Variants in ADCK5 observed in about 807,000 individuals in gnomAD.
ADCK5 encodes uncharacterized aarF domain-containing protein kinase 5.
ADCK5 carries 43 observed loss-of-function variants against 64.9 expected under a neutral mutation model. That is an observed-to-expected ratio of 0.66 (90% CI 0.52 to 0.85). The LOEUF is 0.85. Ranked by LOEUF, ADCK5 falls within the 40% of genes least tolerant of loss-of-function variation. The pLI is 0.00. For missense variants in ADCK5, 760 were observed against 810.5 expected, an observed-to-expected ratio of 0.94 and a Z score of 0.76; for synonymous variants, 434 against 342.8, an observed-to-expected ratio of 1.27 and a Z score of -2.94.
At chr8:144,380,181 C>T (rs35847380) in intron 2 of ADCK5, among the ~76,000 whole-genome samples, 20,295 of 146,588 alleles carry the variant, frequency 0.14, 2,148 homozygotes, top group African/African-American at 0.32. Context: ...GATTATGGGC[C>T]GGGTGTAGAA....
At chr8:144,381,501 C>T (rs587603203) in intron 2 of ADCK5, among the ~76,000 whole-genome samples, 1 of 139,836 alleles carries the variant, frequency 7.2e-6, no homozygotes, top group East Asian at 2.2e-4. Flanking sequence ...GATGTGTGCT[C>T]AGGCCCCTGC....
Position 144,392,330 on chromosome 8 carries a change from G to A in ADCK5, c.1252G>A (p.Ala418Thr), listed in dbSNP as rs1554861144. 18 of 1,497,148 alleles carry A rather than the reference G, an allele frequency of 1.2e-5. No homozygotes were observed. The South Asian group carries it at 2.1e-4, about 17-fold the overall frequency. The allele number at this position is 1,497,148 out of a possible 1,614,324, so 92.7% of individuals were successfully genotyped here. ...CGCCGCCATGAGGGCGCACGCAGCCGCACTGGGGGTGCAAGGTGAGGGCGT... is the reference window on the plus strand; with the variant it reads ...CGCCGCCATGAGGGCGCACGCAGCCACACTGGGGGTGCAAGGTGAGGGCGT... ...DDAAMRAHAA[A>T]LGVQDYLLFA... The change falls in exon 12 of 15, where the codon GCA (alanine) becomes ACA (threonine). Residue 418 changes from alanine to threonine, a missense_variant. Transcript: ENST00000308860.
In ADCK5 at chr8:144,382,506, CTGCTGTATTCAGCAAGTATTGGGCTCT is replaced by C. The variant is rs1428093725; in HGVS notation, c.117-549_117-523del. 8.2e-3 allele frequency among the ~76,000 whole-genome samples: 1,254 copies of C among 152,316 alleles called. 22 individuals carry two copies. Among genetic ancestry groups the C allele is most frequent in the African/African-American group, 0.028 (1,164 of 41,560 alleles). Reference sequence around the variant, plus strand: ...GCTGTATTCAGGGAGTATTGGGCTCCTGCTGTATTCAGCAAGTATTGGGCTCTTGCTGTATTCAGCAAGTATTGGGCT... The same window carrying C: ...GCTGTATTCAGGGAGTATTGGGCTCCTGCTGTATTCAGCAAGTATTGGGCT... On this transcript the variant is annotated intron_variant, in intron 2 of 14. Coordinates refer to ENST00000308860, the MANE Select transcript of ADCK5 (RefSeq NM_174922.5).
At position 144,392,989 on chromosome 8, in the gene ADCK5, G is replaced by C. The variant is rs1554861673; in HGVS notation, c.1658G>C (p.Arg553Pro). 1 of 1,588,538 alleles carries C rather than the reference G, an allele frequency of 6.3e-7. No homozygotes were observed. Among genetic ancestry groups the C allele is most frequent in the Non-Finnish European group, 8.5e-7 (1 of 1,170,642 alleles). Residue 553 changes from arginine to proline, a missense_variant, in exon 15 of 15, where the codon CGG becomes CCG. Arg to Pro is a moderately radical substitution (Grantham distance 103). This residue lies in a region of ADCK5 where 333 missense variants were observed against 292.0 expected (regional missense o/e 1.14). Coordinates refer to ENST00000308860, the MANE Select transcript of ADCK5 (RefSeq NM_174922.5). Reference protein sequence around the residue: ...VALRLETLAMRLTALLARALV... With the variant: ...VALRLETLAMPLTALLARALV... ...CGCAGGCTGGAGACCTTGGCCATGC[G>C]GCTGACCGCCCTCCTGGCTCGTGCT...
rs781835742 is a variant in ADCK5, at chr8:144,392,573, G to A, written c.1396G>A (p.Val466Ile). 33 of 1,574,608 alleles carry A rather than the reference G, an allele frequency of 2.1e-5. No homozygotes were observed. Among genetic ancestry groups the A allele is most frequent in the Admixed American group, 3.6e-5 (2 of 56,090 alleles). ...VDMARERFEA[V>I]MAVLRELPRP... ...CATGGCCCGCGAGCGCTTCGAGGCC[G>A]TCATGGCGGTGCTCAGGGAGCTGCC... Residue 466 changes from valine (V) to isoleucine (I), a missense_variant, in exon 13 of 15, where the codon GTC becomes ATC. Around this residue, in one of 2 missense-constraint regions of ADCK5, gnomAD observed 333 missense variants for 292.0 expected, o/e 1.14. Transcript: ENST00000308860.
At chr8:144,385,101 G>C (rs1819851559) in intron 3 of ADCK5, among the ~76,000 whole-genome samples, 1 of 152,086 alleles carries the variant, frequency 6.6e-6, no homozygotes, top group Admixed American at 6.6e-5. Context: ...AAATGATCAG[G>C]GGCTGCCCAG....
intron 3 of ADCK5, among the ~76,000 whole-genome samples, chr8:144,388,651 G>A (rs1820049807): frequency 6.6e-6 from 1 of 151,892 alleles, no homozygotes; most frequent in East Asian, 1.9e-4. Flanking sequence ...TGTAGTCCCA[G>A]CTACTCTGGA....
At chr8:144,379,346 C>G in intron 1 of ADCK5, 41 bp from the exon 2 acceptor site, 1 of 1,497,448 alleles carries the variant, frequency 6.7e-7, no homozygotes. Context: ...AGGGGCGTGT[C>G]CTGGCCTCGT....
In ADCK5 at chr8:144,391,847, A is replaced by G. The variant is rs564840942; in HGVS notation, c.995A>G (p.Gln332Arg). Residue 332 changes from glutamine (Q) to arginine (R), a missense_variant, in exon 9 of 15, where the codon CAG (glutamine) becomes CGG (arginine). By Grantham distance (43) the Gln-to-Arg change is conservative. Transcript: ENST00000308860. ...AACGATGTGGAGGCCATCAGGAGCCAGGGGCTGGCAGTGCATGACGTGAGT... is the reference window on the plus strand; with the variant it reads ...AACGATGTGGAGGCCATCAGGAGCCGGGGGCTGGCAGTGCATGACGTGAGT... The part of the protein sequence containing the change: ...KVNDVEAIRS[Q>R]GLAVHDIAEK... 1 of 1,229,132 alleles carries G rather than the reference A, an allele frequency of 8.1e-7. No individual in the cohort carries two copies. The highest frequency in any genetic ancestry group is 5.4e-5 in the East Asian group (1 of 18,532). 76.1% of individuals were successfully genotyped at this position (1,229,132 alleles called of 1,614,324 possible).
rs772772352 is a variant in ADCK5 at position 144,390,741 on chromosome 8, G to A, written c.337G>A (p.Glu113Lys). Residue 113 changes from glutamate (E) to lysine (K), a missense_variant, in exon 4 of 15, where the codon GAA becomes AAA. By Grantham distance (56) the Glu-to-Lys change is moderately conservative. Around this residue, in one of 2 missense-constraint regions of ADCK5, gnomAD observed 427 missense variants for 518.4 expected, o/e 0.82. Coordinates refer to ENST00000308860, the MANE Select transcript of ADCK5 (RefSeq NM_174922.5). ...WCTNVVLRGVEENSPGYLEVM... is the reference protein window; with the variant it reads ...WCTNVVLRGVKENSPGYLEVM... ...CACCAATGTTGTCCTTCGAGGGGTGGAAGAGGTTTGTCCTGGTGCCCTGGG... is the reference window on the plus strand; with the variant it reads ...CACCAATGTTGTCCTTCGAGGGGTGAAAGAGGTTTGTCCTGGTGCCCTGGG... 5.2e-5 allele frequency: 84 copies of A among 1,613,716 alleles called. No homozygotes were observed. The highest frequency in any genetic ancestry group is 6.2e-5 in the Non-Finnish European group (73 of 1,179,940).
chr8:144,391,553 G>T (rs782120255), intron 7 of ADCK5, 27 bp from the exon 8 acceptor site: 39 of 1,584,366 alleles, frequency 2.5e-5, no homozygotes, highest in Non-Finnish European at 4.3e-6. Context: ...AGGCAGAGCT[G>T]GTCTTCAACC....
intron 2 of ADCK5, among the ~76,000 whole-genome samples, chr8:144,382,850 C>T (rs1437756160): frequency 2.6e-5 from 4 of 152,246 alleles, no homozygotes; most frequent in African/African-American, 9.6e-5. Context: ...CTGGACAGAC[C>T]TGAATGAGAC....
chr8:144,373,284 A>G (rs896079259), upstream of ADCK5: 2 of 152,890 alleles, frequency 1.3e-5, no homozygotes. Context: ...CGGTGAGGTC[A>G]GTCTAGTAGC....
Position 144,392,144 on chromosome 8 carries a change from C to A in ADCK5, c.1149C>A (p.His383Gln), listed in dbSNP as rs782536387. The A allele has an allele frequency of 7.5e-7, 1 of 1,325,026 alleles. No individual in the cohort carries two copies. The highest frequency in any genetic ancestry group is 1.0e-6 in the Non-Finnish European group (1 of 999,616). 82.1% of individuals were successfully genotyped at this position (1,325,026 alleles called of 1,614,324 possible). A position where few individuals can be genotyped will look rare whatever the true frequency, so the allele number is the denominator to read the frequency against. The change falls in exon 11 of 15, where the codon CAC becomes CAA. Residue 383 changes from histidine (H) to glutamine (Q), a missense_variant. Transcript: ENST00000308860. ...AAGCGGAGCTGGTGCTGCTGGACCA[C>A]GGGCTCTACCAGTTCCTGGAGGAGA... is the stretch of plus-strand genomic sequence containing the variant. ...DGKAELVLLDHGLYQFLEEKD... is the reference protein window; with the variant it reads ...DGKAELVLLDQGLYQFLEEKD...
chr8:144,384,904 C>T lies in ADCK5; in HGVS notation c.266+1674C>T, dbSNP rs1381283890. ...CTGCACGTTCTCCTTGGCTCTAAGC[C>T]GTCACGGTTGCATAGACAAGCAGGC... On this transcript the variant is annotated intron_variant, in intron 3 of 14. Transcript: ENST00000308860. This position sits in a 1 kb window ranked among gnomAD's most constrained non-coding sequence, Gnocchi z 5.7. Among the ~76,000 whole-genome samples, 1 of 152,180 alleles carries T rather than the reference C, an allele frequency of 6.6e-6. No homozygotes were observed. Among genetic ancestry groups the T allele is most frequent in the Non-Finnish European group, 1.5e-5 (1 of 68,036 alleles).
chr8:144,388,594 C>G (rs541229604), intron 3 of ADCK5, among the ~76,000 whole-genome samples: 1 of 152,024 alleles, frequency 6.6e-6, no homozygotes, highest in African/African-American at 2.4e-5. Flanking sequence ...GAAACCCCAT[C>G]TCTACTAAAA....
chr8:144,381,459 G>A (rs1441294155), intron 2 of ADCK5, among the ~76,000 whole-genome samples: 1 of 126,944 alleles, frequency 7.9e-6, no homozygotes, highest in African/African-American at 3.2e-5. Flanking sequence ...GGCACCTGCC[G>A]CACTCAGGAT....
At chr8:144,383,382 C>G (rs782498725) in intron 3 of ADCK5, 152 bp downstream of exon 3, 2 of 1,231,942 alleles carry the variant, frequency 1.6e-6, no homozygotes, top group Admixed American at 3.1e-5. Flanking sequence ...GCTTTTCAGG[C>G]GTCCTTTCCT....
intron 2 of ADCK5, among the ~76,000 whole-genome samples, chr8:144,379,724 T>C (rs901485121): frequency 3.2e-4 from 49 of 152,172 alleles, no homozygotes; most frequent in African/African-American, 1.2e-3. Flanking sequence ...AGCAGACAGC[T>C]AGCAAATCGG....
Sources: allele counts gnomAD v4.1 joint callset (sites outside exome capture counted in the v4.1 genomes callset), GRCh38; gene constraint gnomAD v4.1.1; regional missense constraint gnomAD v4.1.1; non-coding constraint Gnocchi (gnomAD v3.1); transcripts MANE v1.5; gene names NCBI Gene and HGNC (gene_info 2026-07-23, HGNC 2026-07-21).